B3GAT2: variants seen among roughly 807,000 people sequenced by gnomAD.
B3GAT2 encodes the protein galactosylgalactosylxylosylprotein 3-beta-glucuronosyltransferase 2.
In B3GAT2, 26 loss-of-function variants were observed where a neutral mutation model predicts 27.8. The observed-to-expected ratio is 0.93, with a 90% CI of 0.68 to 1.30. The LOEUF (loss-of-function observed/expected upper bound fraction) is 1.30. B3GAT2 is among the 50% of genes most tolerant of loss of function. B3GAT2 has a pLI of 0.00. For synonymous variants in B3GAT2, 218 were observed against 195.1 expected, an observed-to-expected ratio of 1.12 and a Z score of -0.98; for missense variants, 458 against 459.0, an observed-to-expected ratio of 1.00 and a Z score of 0.02.
chr6:70,952,077 G>A lies in B3GAT2; in HGVS notation c.591+3762C>T, dbSNP rs537086523. 2.0e-5 allele frequency among the ~76,000 whole-genome samples: 3 copies of A among 152,114 alleles called. No individual in the cohort carries two copies. In the South Asian group the frequency reaches 6.2e-4, roughly 32 times the overall value. ...CTCCAATAAGCAGCAGGTAAAGAGG[G>A]AAAGCACACAAATACTTCTGAAAAA... On this transcript the variant is annotated intron_variant, in intron 1 of 3. Transcript: ENST00000230053.
chr6:70,898,801 A>G (rs1038511712), intron 1 of B3GAT2, among the ~76,000 whole-genome samples: 3 of 152,052 alleles, frequency 2.0e-5, no homozygotes, highest in African/African-American at 7.2e-5. Context: ...TCATTTACAT[A>G]TGGGCCCATT....
At chr6:70,863,501 G>A (rs1771799286) in intron 2 of B3GAT2, among the ~76,000 whole-genome samples, 1 of 152,194 alleles carries the variant, frequency 6.6e-6, no homozygotes, top group Non-Finnish European at 1.5e-5. Context: ...AACCCTAAAG[G>A]GAGGGAGGTG....
chr6:70,886,952 C>T (rs1772198302), intron 2 of B3GAT2, among the ~76,000 whole-genome samples: 1 of 152,136 alleles, frequency 6.6e-6, no homozygotes, highest in South Asian at 2.1e-4. Flanking sequence ...TCACACTGTA[C>T]CAACCCAAGG....
rs979937545 is a variant in B3GAT2 at position 70,858,300 on chromosome 6, T to G, written c.*3363A>C. On this transcript the variant is annotated 3_prime_UTR_variant, in exon 4 of 4. Coordinates refer to ENST00000230053, the MANE Select transcript of B3GAT2 (RefSeq NM_080742.3). ...TATTTTCTAAATCTTTTTTTTTTTT[T>G]TTTTTTTTTTTTTTTAAGTCTAGTG... 3,800 of 1,299,102 alleles carry G rather than the reference T, an allele frequency of 2.9e-3. 6 individuals are homozygous for G. Among genetic ancestry groups the G allele is most frequent in the South Asian group, 0.013 (702 of 56,032 alleles). 80.5% of individuals were successfully genotyped at this position (1,299,102 alleles called of 1,614,324 possible).
chr6:70,929,559 C>G (rs1257170090), intron 1 of B3GAT2, among the ~76,000 whole-genome samples: 1 of 152,144 alleles, frequency 6.6e-6, no homozygotes, highest in Non-Finnish European at 1.5e-5. Flanking sequence ...CAAAAACAGA[C>G]AGAGAGACAA....
chr6:70,875,833 A>G (rs139831025), intron 2 of B3GAT2, among the ~76,000 whole-genome samples: 2 of 152,352 alleles, frequency 1.3e-5, no homozygotes, highest in African/African-American at 4.8e-5. Flanking sequence ...ATTTCCAAGA[A>G]GTGTTCTTTA....
In B3GAT2 at chr6:70,956,539, C is replaced by T; in HGVS notation, c.-110G>A. The T allele has an allele frequency of 7.3e-6, 11 of 1,512,786 alleles. No individual in the cohort carries two copies. Among genetic ancestry groups the T allele is most frequent in the South Asian group, 1.3e-5 (1 of 76,550 alleles). The allele number at this position is 1,512,786 out of a possible 1,614,324, so 93.7% of individuals were successfully genotyped here. A position where few individuals can be genotyped will look rare whatever the true frequency, so the allele number is the denominator to read the frequency against. On this transcript the variant is annotated 5_prime_UTR_variant, in exon 1 of 4. Coordinates refer to ENST00000230053, the MANE Select transcript of B3GAT2 (RefSeq NM_080742.3). The stretch of plus-strand genomic sequence containing the variant: ...AGCACTTAGGGAGTGGTGATGGGTG[C>T]GCTGTCCATGGGGCCGAGGGCGCTG...
chr6:70,879,673 T>C (rs1005335325), intron 2 of B3GAT2, among the ~76,000 whole-genome samples: 17 of 152,010 alleles, frequency 1.1e-4, no homozygotes, highest in Non-Finnish European at 2.1e-4. Flanking sequence ...GTGAGTGCTA[T>C]GAAGGAAGGG....
At chr6:70,881,851 T>C (rs1377344248) in intron 2 of B3GAT2, among the ~76,000 whole-genome samples, 3 of 152,200 alleles carry the variant, frequency 2.0e-5, no homozygotes, top group Non-Finnish European at 2.9e-5. Flanking sequence ...CTCCTCTGTC[T>C]GTCTGTCCAT....
At chr6:70,955,175 CAAAA>C (rs568676062) in intron 1 of B3GAT2, among the ~76,000 whole-genome samples, 3 of 131,814 alleles carry the variant, frequency 2.3e-5, no homozygotes, top group Non-Finnish European at 5.0e-5. Flanking sequence ...GGTTTTCTTG[CAAAA>C]AAAAAAAAAA....
rs138598905 is a variant in B3GAT2, at chr6:70,899,617, T to A, written c.592-5345A>T. On this transcript the variant is annotated intron_variant, in intron 1 of 3. Coordinates refer to ENST00000230053, the MANE Select transcript of B3GAT2 (RefSeq NM_080742.3). Reference sequence around the variant, plus strand: ...CAGATCCAGATGCCCTCACCATCTATGCCCTGCTGAAATTCCATGCAGAAT... The same window carrying A: ...CAGATCCAGATGCCCTCACCATCTAAGCCCTGCTGAAATTCCATGCAGAAT... 2.6e-5 allele frequency among the ~76,000 whole-genome samples: 4 copies of A among 152,348 alleles called. No homozygotes were observed. In the East Asian group the frequency reaches 7.7e-4, roughly 29 times the overall value.
chr6:70,925,309 G>C (rs554468635), intron 1 of B3GAT2, among the ~76,000 whole-genome samples: 1 of 152,368 alleles, frequency 6.6e-6, no homozygotes, highest in South Asian at 2.1e-4. Context: ...TTGGACAGTG[G>C]GTGCAGGCCA....
intron 1 of B3GAT2, among the ~76,000 whole-genome samples, chr6:70,933,436 A>C (rs766498136): frequency 6.6e-6 from 1 of 152,212 alleles, no homozygotes; most frequent in Non-Finnish European, 1.5e-5. Flanking sequence ...AATAATTAAC[A>C]GTTAGTGCAT....
rs139544886 is a variant in B3GAT2, at chr6:70,926,033, G to A, written c.591+29806C>T. Among the ~76,000 whole-genome samples, 1,022 of 152,302 alleles carry A rather than the reference G, an allele frequency of 6.7e-3. 9 individuals carry two copies. Among genetic ancestry groups the A allele is most frequent in the Non-Finnish European group, 0.01 (701 of 68,026 alleles). On this transcript the variant is annotated intron_variant, in intron 1 of 3. Coordinates refer to ENST00000230053, the MANE Select transcript of B3GAT2 (RefSeq NM_080742.3). The stretch of plus-strand genomic sequence containing the variant: ...TGCTGGTGACACCCAGGCAAACAGC[G>A]TCTGGAGTAGACCTCCAGCAAACTC...
chr6:70,945,604 C>T (rs1347747099), intron 1 of B3GAT2, among the ~76,000 whole-genome samples: 2 of 150,720 alleles, frequency 1.3e-5, no homozygotes, highest in Non-Finnish European at 2.9e-5. Flanking sequence ...TGATTGTGTA[C>T]CTGAAAGTGA....
chr6:70,922,925 G>A (rs542793704), intron 1 of B3GAT2, among the ~76,000 whole-genome samples: 10 of 152,328 alleles, frequency 6.6e-5, no homozygotes, highest in Admixed American at 2.6e-4. Flanking sequence ...CTAATTAGCT[G>A]TGTGGCCTCA....
intron 1 of B3GAT2, among the ~76,000 whole-genome samples, chr6:70,932,126 T>A (rs973984559): frequency 2.6e-5 from 4 of 152,154 alleles, no homozygotes; most frequent in Admixed American, 6.6e-5. Flanking sequence ...TGCATGGCTA[T>A]TACCCAAAAA....
chr6:70,882,911 A>G (rs1772121184), intron 2 of B3GAT2, among the ~76,000 whole-genome samples: 1 of 146,420 alleles, frequency 6.8e-6, no homozygotes, highest in African/African-American at 2.5e-5. Context: ...AAATACATAA[A>G]CATTTTATAG....
At chr6:70,941,273 A>T (rs1044938164) in intron 1 of B3GAT2, among the ~76,000 whole-genome samples, 9 of 152,306 alleles carry the variant, frequency 5.9e-5, no homozygotes, top group African/African-American at 2.2e-4. Context: ...ATTATCTGGT[A>T]TACCCTCAAT....
Sources: gnomAD v4.1 joint callset for allele counts (sites outside exome capture counted in the v4.1 genomes callset) on GRCh38, gnomAD v4.1.1 for gene constraint, MANE v1.5 for transcripts, NCBI Gene and HGNC (gene_info 2026-07-23, HGNC 2026-07-21) for gene names.